GABRG3: variants seen among roughly 807,000 people sequenced by gnomAD.
GABRG3 encodes gamma-aminobutyric acid receptor subunit gamma-3.
In GABRG3, 25 loss-of-function variants were observed where a neutral mutation model predicts 48.8. The observed-to-expected ratio is 0.51, with a 90% CI of 0.37 to 0.72. GABRG3 has a LOEUF of 0.72. Ranked by LOEUF, GABRG3 falls within the 30% of genes least tolerant of loss-of-function variation. The pLI is 0.00. For missense variants in GABRG3, 394 were observed against 577.9 expected, an observed-to-expected ratio of 0.68 and a Z score of 3.26; for synonymous variants, 227 against 217.6, an observed-to-expected ratio of 1.04 and a Z score of -0.38.
chr15:27,307,581 G>A (rs1243109349), intron 3 of GABRG3, among the ~76,000 whole-genome samples: 2 of 66,292 alleles, frequency 3.0e-5, no homozygotes, highest in African/African-American at 5.2e-5. Context: ...ATATAAACAG[G>A]TTTATAGGTT....
chr15:27,046,786 A>G (rs1182617275), intron 3 of GABRG3, among the ~76,000 whole-genome samples: 1 of 152,136 alleles, frequency 6.6e-6, no homozygotes, highest in Non-Finnish European at 1.5e-5. Flanking sequence ...GAGGAAGAGG[A>G]TGTTCATTTT....
chr15:27,360,644 C>T (rs1894990548), intron 5 of GABRG3, among the ~76,000 whole-genome samples: 1 of 152,146 alleles, frequency 6.6e-6, no homozygotes, highest in African/African-American at 2.4e-5. Context: ...TGGGTGTGTC[C>T]TTGGGTTGGA....
At chr15:27,498,712 G>A (rs1366509268) in intron 6 of GABRG3, among the ~76,000 whole-genome samples, 1 of 151,900 alleles carries the variant, frequency 6.6e-6, no homozygotes, top group Non-Finnish European at 1.5e-5. Context: ...GCTATTTGAG[G>A]CCAGGCTGGT....
intron 3 of GABRG3, among the ~76,000 whole-genome samples, chr15:27,203,702 TACTTTTTTG>T (rs535526292): frequency 4.1e-4 from 63 of 152,252 alleles, no homozygotes; most frequent in African/African-American, 1.3e-3. Context: ...CAGCATCTGT[TACTTTTTTG>T]ACTTTTTAAT....
chr15:27,339,611 CAG>C (rs1187295572), intron 5 of GABRG3, among the ~76,000 whole-genome samples: 4 of 152,196 alleles, frequency 2.6e-5, no homozygotes, highest in Admixed American at 2.6e-4. Flanking sequence ...AGTGAAGTAA[CAG>C]GGCTTCAGTA....
At chr15:27,134,829 A>G (rs1405010882) in intron 3 of GABRG3, among the ~76,000 whole-genome samples, 2 of 152,228 alleles carry the variant, frequency 1.3e-5, no homozygotes, top group Non-Finnish European at 2.9e-5. Context: ...AAAGAACAAT[A>G]TTCTCTCTGA....
At chr15:27,043,921 C>A (rs569717548) in intron 3 of GABRG3, among the ~76,000 whole-genome samples, 1 of 152,296 alleles carries the variant, frequency 6.6e-6, no homozygotes, top group East Asian at 1.9e-4. Context: ...TCCTGCCTGC[C>A]AGCAGGATGC....
chr15:27,520,826 C>T (rs1429228110), intron 7 of GABRG3, among the ~76,000 whole-genome samples: 2 of 150,950 alleles, frequency 1.3e-5, no homozygotes, highest in East Asian at 3.9e-4. Flanking sequence ...AAAGAGGAAG[C>T]TGTCTCAATT....
At chr15:27,333,059 A>G (rs917553144) in intron 5 of GABRG3, among the ~76,000 whole-genome samples, 1 of 152,226 alleles carries the variant, frequency 6.6e-6, no homozygotes, top group Non-Finnish European at 1.5e-5. Context: ...TAAATTACTT[A>G]TATGGATGAA....
intron 4 of GABRG3, among the ~76,000 whole-genome samples, chr15:27,327,774 A>G (rs186051506): frequency 4.9e-4 from 75 of 152,156 alleles, no homozygotes; most frequent in East Asian, 3.9e-3. Context: ...CTTTGCTGTC[A>G]TGGGCTCACT....
intron 3 of GABRG3, among the ~76,000 whole-genome samples, chr15:27,112,144 T>A (rs1458018699): frequency 1.3e-5 from 2 of 152,146 alleles, no homozygotes; most frequent in Non-Finnish European, 2.9e-5. Context: ...TCATTTCAAT[T>A]CCCATCATTT....
At chr15:27,285,899 G>A (rs1273292839) in intron 3 of GABRG3, among the ~76,000 whole-genome samples, 2 of 152,050 alleles carry the variant, frequency 1.3e-5, no homozygotes, top group South Asian at 2.1e-4. Context: ...TGCTGCTCTC[G>A]ACATATGATG....
intron 3 of GABRG3, among the ~76,000 whole-genome samples, chr15:27,046,146 T>C (rs1896359856): frequency 6.6e-6 from 1 of 152,170 alleles, no homozygotes; most frequent in African/African-American, 2.4e-5. Flanking sequence ...GAGGCTGGAG[T>C]GCAATGGCAC....
At chr15:27,465,912 A>G (rs927307878) in intron 5 of GABRG3, among the ~76,000 whole-genome samples, 1 of 152,230 alleles carries the variant, frequency 6.6e-6, no homozygotes, top group African/African-American at 2.4e-5. Context: ...AATGCTGGAC[A>G]TGATCCACTG....
chr15:27,365,293 A>G (rs1895153458), intron 5 of GABRG3: 2 of 86,018 alleles, frequency 2.3e-5, no homozygotes, highest in African/African-American at 9.5e-5. Flanking sequence ...GCTAAGACAC[A>G]CACAGACACA....
intron 3 of GABRG3, among the ~76,000 whole-genome samples, chr15:27,268,876 G>C (rs528997754): frequency 6.6e-6 from 1 of 152,194 alleles, no homozygotes; most frequent in Admixed American, 6.5e-5. Context: ...CTCACACTAA[G>C]ACCCAGAAAC....
At chr15:27,232,778 T>A (rs773244367) in intron 3 of GABRG3, among the ~76,000 whole-genome samples, 1 of 152,210 alleles carries the variant, frequency 6.6e-6, no homozygotes, top group Non-Finnish European at 1.5e-5. Context: ...CTAATAAACA[T>A]TTTTAGTGAA....
intron 5 of GABRG3, among the ~76,000 whole-genome samples, chr15:27,361,405 G>A (rs1324492284): frequency 6.6e-6 from 1 of 152,172 alleles, no homozygotes; most frequent in African/African-American, 2.4e-5. Flanking sequence ...CCAGGATGAC[G>A]CTAAGGCCCT....
At chr15:27,467,641 G>A (rs757475844) in intron 5 of GABRG3, among the ~76,000 whole-genome samples, 2 of 152,190 alleles carry the variant, frequency 1.3e-5, no homozygotes, top group Admixed American at 1.3e-4. Flanking sequence ...GCTAAATATA[G>A]CCTTTAGTTC....
Sources: gnomAD v4.1 joint callset for allele counts (sites outside exome capture counted in the v4.1 genomes callset) on GRCh38, gnomAD v4.1.1 for gene constraint, MANE v1.5 for transcripts, NCBI Gene and HGNC (gene_info 2026-07-23, HGNC 2026-07-21) for gene names.